Variants in EXOC4 observed in about 807,000 individuals in gnomAD.
The protein encoded by EXOC4 is exocyst complex component 4, also known as SEC8-like 1.
EXOC4 carries 71 observed loss-of-function variants against 107.2 expected under a neutral mutation model. The observed-to-expected ratio is 0.66, with a 90% CI of 0.55 to 0.81. The LOEUF (loss-of-function observed/expected upper bound fraction) is 0.81, where lower values mean the gene tolerates loss of function less well. Among genes scored for constraint, EXOC4 ranks in the 30% least tolerant of loss-of-function variants. EXOC4 has a pLI of 0.00. For synonymous variants in EXOC4, 456 were observed against 441.2 expected, an observed-to-expected ratio of 1.03 and a Z score of -0.42; for missense variants, 1,108 against 1,189.6, an observed-to-expected ratio of 0.93 and a Z score of 1.01.
intron 11 of EXOC4, among the ~76,000 whole-genome samples, chr7:133,836,314 G>A (rs537263424): frequency 2.0e-5 from 3 of 152,068 alleles, no homozygotes; most frequent in South Asian, 2.1e-4. Context: ...TAATTTCTTC[G>A]CTGGAGTCAA....
chr7:133,356,652 T>A, intron 6 of EXOC4, 79 bp downstream of exon 6: 2 of 1,499,878 alleles, frequency 1.3e-6, no homozygotes, highest in Non-Finnish European at 1.8e-6. Flanking sequence ...GTAACTTACC[T>A]TCTGTTGATG....
chr7:133,263,102 C>G (rs1369506657), intron 1 of EXOC4, among the ~76,000 whole-genome samples: 2 of 152,142 alleles, frequency 1.3e-5, no homozygotes, highest in Non-Finnish European at 2.9e-5. Context: ...ATTGTGAGGC[C>G]TCCTCAGCCA....
At chr7:133,801,200 C>T (rs1796934280) in intron 10 of EXOC4, among the ~76,000 whole-genome samples, 1 of 152,086 alleles carries the variant, frequency 6.6e-6, no homozygotes, top group Admixed American at 6.6e-5. Flanking sequence ...CATCTACAAC[C>T]CTCAACTTTT....
At chr7:134,043,945 G>A (rs1184268332) in intron 17 of EXOC4, among the ~76,000 whole-genome samples, 2 of 152,184 alleles carry the variant, frequency 1.3e-5, no homozygotes, top group Non-Finnish European at 2.9e-5. Flanking sequence ...TGGAAGTGGG[G>A]CCTTTAAAAT....
chr7:133,845,037 T>C lies in EXOC4; in HGVS notation c.1734+27493T>C, dbSNP rs112376131. On this transcript the variant is annotated intron_variant, in intron 11 of 17. Transcript: ENST00000253861. ...TTGTATCTTAACATTGAAATTTGTA[T>C]GTATAAGTAGACTCTACATCCTGGG... Among the ~76,000 whole-genome samples, 745 of 152,308 alleles carry C rather than the reference T, an allele frequency of 4.9e-3. 6 individuals are homozygous for C. The highest frequency in any genetic ancestry group is 0.017 in the African/African-American group (695 of 41,568).
intron 1 of EXOC4, among the ~76,000 whole-genome samples, chr7:133,266,884 C>G (rs1028649676): frequency 2.0e-5 from 3 of 152,162 alleles, no homozygotes; most frequent in African/African-American, 7.2e-5. Flanking sequence ...CTTAAAGGAA[C>G]TGGAGTCCAT....
intron 12 of EXOC4, among the ~76,000 whole-genome samples, chr7:133,907,310 T>C (rs943712446): frequency 1.3e-5 from 2 of 152,232 alleles, no homozygotes; most frequent in Admixed American, 6.5e-5. Context: ...ATTTATTCCA[T>C]TGTATTGTAA....
intron 1 of EXOC4, among the ~76,000 whole-genome samples, chr7:133,254,565 A>T (rs1222845489): frequency 6.6e-6 from 1 of 152,222 alleles, no homozygotes; most frequent in Non-Finnish European, 1.5e-5. Context: ...ACATTTATTT[A>T]AACAATAGGT....
intron 5 of EXOC4, among the ~76,000 whole-genome samples, chr7:133,346,050 G>A (rs1795776811): frequency 6.6e-6 from 1 of 152,192 alleles, no homozygotes. Context: ...ACCAGTGGGT[G>A]CATTAATTAG....
intron 14 of EXOC4, among the ~76,000 whole-genome samples, chr7:133,969,388 G>T (rs1215515341): frequency 6.6e-6 from 1 of 152,194 alleles, no homozygotes; most frequent in African/African-American, 2.4e-5. Context: ...CCTTGCTGAT[G>T]ATGAGTTGTG....
intron 7 of EXOC4, among the ~76,000 whole-genome samples, chr7:133,436,174 A>T (rs376832305): frequency 5.9e-5 from 9 of 152,206 alleles, no homozygotes; most frequent in African/African-American, 2.2e-4. Flanking sequence ...ATGCAAACTA[A>T]CGATATGAAC....
chr7:133,763,160 G>A (rs1044701362), intron 10 of EXOC4, among the ~76,000 whole-genome samples: 2 of 152,124 alleles, frequency 1.3e-5, no homozygotes, highest in African/African-American at 4.8e-5. Flanking sequence ...ATCCCAGTGA[G>A]TAAAACAAGT....
intron 9 of EXOC4, among the ~76,000 whole-genome samples, chr7:133,629,707 ATT>A (rs202204479): frequency 4.2e-5 from 6 of 142,904 alleles, no homozygotes; most frequent in Non-Finnish European, 3.1e-5. Context: ...TGCCTGGCTA[ATT>A]TTTTTTTTTT....
At chr7:133,416,525 G>A (rs1797478208) in intron 7 of EXOC4, among the ~76,000 whole-genome samples, 1 of 152,290 alleles carries the variant, frequency 6.6e-6, no homozygotes, top group Middle Eastern at 3.4e-3. Flanking sequence ...AGATGCATAA[G>A]TAAATATATC....
At chr7:133,700,808 T>G (rs1794640922) in intron 10 of EXOC4, among the ~76,000 whole-genome samples, 1 of 152,156 alleles carries the variant, frequency 6.6e-6, no homozygotes, top group South Asian at 2.1e-4. Context: ...GTGGCCATTA[T>G]TTTTAGTTAG....
chr7:133,926,390 A>G (rs1800053278), intron 13 of EXOC4, among the ~76,000 whole-genome samples: 1 of 152,168 alleles, frequency 6.6e-6, no homozygotes, highest in African/African-American at 2.4e-5. Context: ...ATCTTGACTG[A>G]TATTTGAGTC....
intron 10 of EXOC4, among the ~76,000 whole-genome samples, chr7:133,647,308 C>T (rs1261746484): frequency 6.6e-6 from 1 of 151,896 alleles, no homozygotes; most frequent in Non-Finnish European, 1.5e-5. Context: ...TTGAAATTTG[C>T]GTATGTATTG....
At chr7:134,063,370 T>C (rs776262980) in intron 17 of EXOC4, among the ~76,000 whole-genome samples, 1 of 152,182 alleles carries the variant, frequency 6.6e-6, no homozygotes, top group Non-Finnish European at 1.5e-5. Context: ...ACCTCACTTA[T>C]GGCACACAGA....
chr7:133,309,730 A>G lies in EXOC4; in HGVS notation c.656+3669A>G, dbSNP rs370808164. 9.2e-5 allele frequency among the ~76,000 whole-genome samples: 14 copies of G among 152,334 alleles called. 1 individual carries two copies. Among genetic ancestry groups the G allele is most frequent in the African/African-American group, 3.4e-4 (14 of 41,586 alleles). On this transcript the variant is annotated intron_variant, in intron 4 of 17. Coordinates refer to ENST00000253861, the MANE Select transcript of EXOC4 (RefSeq NM_021807.4). ...CGAGGTGGGAGGATCATTTGAGGTC[A>G]GGAGTTTGAGACCAGCCTGGTCAAC...
Sources: allele counts gnomAD v4.1 joint callset (sites outside exome capture counted in the v4.1 genomes callset), GRCh38; gene constraint gnomAD v4.1.1; transcripts MANE v1.5; gene names NCBI Gene and HGNC (gene_info 2026-07-23, HGNC 2026-07-21).